CDH4: variants seen among roughly 807,000 people sequenced by gnomAD.
CDH4 encodes the protein cadherin-4.
A neutral mutation model predicts 86.0 loss-of-function variants in CDH4; 33 were observed. The observed-to-expected ratio is 0.38, with a 90% CI of 0.29 to 0.51. CDH4 has a LOEUF of 0.51. CDH4 is among the 20% of genes least tolerant of loss of function. The pLI is 0.86. For missense variants in CDH4, 1,114 were observed against 1,307.4 expected (o/e 0.85, Z 2.28); for synonymous variants, 555 against 549.4 (o/e 1.01, Z -0.14).
intron 8 of CDH4, among the ~76,000 whole-genome samples, chr20:61,904,833 G>C (rs2122905949): frequency 6.6e-6 from 1 of 152,380 alleles, no homozygotes; most frequent in East Asian, 1.9e-4. Context: ...GGTCTTGCTG[G>C]ACATTGTGTG....
chr20:61,741,079 C>T (rs2088326615), intron 2 of CDH4, among the ~76,000 whole-genome samples: 1 of 152,168 alleles, frequency 6.6e-6, no homozygotes, highest in South Asian at 2.1e-4. Flanking sequence ...CATGGTGGTG[C>T]ACGCCTGTAG....
At chr20:61,536,375 C>A (rs1311520106) in intron 2 of CDH4, among the ~76,000 whole-genome samples, 1 of 152,040 alleles carries the variant, frequency 6.6e-6, no homozygotes, top group Non-Finnish European at 1.5e-5. Flanking sequence ...AGAGGCCGCA[C>A]CCAAACAGAA....
At chr20:61,766,816 AC>A (rs1360810397) in intron 3 of CDH4, among the ~76,000 whole-genome samples, 1 of 151,152 alleles carries the variant, frequency 6.6e-6, no homozygotes, top group African/African-American at 2.4e-5. Context: ...AGTCCTATTC[AC>A]CCTTCAGTGC....
chr20:61,753,514 A>G (rs2088523437), intron 3 of CDH4, among the ~76,000 whole-genome samples: 1 of 152,176 alleles, frequency 6.6e-6, no homozygotes, highest in Admixed American at 6.5e-5. Flanking sequence ...TAGCAATTCA[A>G]TTAGGAAATG....
chr20:61,272,127 C>T (rs1422101021), intron 2 of CDH4, among the ~76,000 whole-genome samples: 1 of 152,226 alleles, frequency 6.6e-6, no homozygotes, highest in Non-Finnish European at 1.5e-5. Context: ...TCCTCCTCCT[C>T]CTCTTGGCAG....
chr20:61,622,579 A>C lies in CDH4; in HGVS notation c.170-120984A>C, dbSNP rs182865684. Among the ~76,000 whole-genome samples the C allele has an allele frequency of 2.7e-3, 409 of 152,388 alleles. 1 individual carries two copies. Among genetic ancestry groups the C allele is most frequent in the African/African-American group, 9.1e-3 (378 of 41,596 alleles). ...CCAGCACAGTAGCCTCCTGCTGCAC[A>C]TGGCCCAGGCCCTTGCTACGGAAGA... On this transcript the variant is annotated intron_variant, in intron 2 of 15. Coordinates refer to ENST00000614565, the MANE Select transcript of CDH4 (RefSeq NM_001794.5).
Position 61,788,165 on chromosome 20 carries a change from C to G in CDH4, c.576+14983C>G, listed in dbSNP as rs762291792. ...TGTTTTAATGTCCCGCCCAGTAAAA[C>G]AGCTGGAAACCCCAATCTTATCACA... is the stretch of plus-strand genomic sequence containing the variant. On this transcript the variant is annotated intron_variant, in intron 4 of 15. Transcript: ENST00000614565. 8.4e-4 allele frequency among the ~76,000 whole-genome samples: 128 copies of G among 152,300 alleles called. No individual in the cohort carries two copies. In the Middle Eastern group the frequency reaches 0.014, roughly 16 times the overall value.
chr20:61,565,213 C>CTTGGTGATGGTGGTAGTGG (rs1339239791), intron 2 of CDH4, among the ~76,000 whole-genome samples: 1 of 18,192 alleles, frequency 5.5e-5, no homozygotes, highest in Non-Finnish European at 1.0e-4. Flanking sequence ...TCGCGGTGCT[C>CTTGGTGATGGTGGTAGTGG]TCGGTGGTAG....
intron 2 of CDH4, among the ~76,000 whole-genome samples, chr20:61,622,738 C>A (rs1008607290): frequency 6.6e-6 from 1 of 152,226 alleles, no homozygotes; most frequent in African/African-American, 2.4e-5. Context: ...GGGGTACTTA[C>A]CTGCATCCGT....
At chr20:61,372,829 A>G (rs187572633) in intron 2 of CDH4, among the ~76,000 whole-genome samples, 5 of 152,320 alleles carry the variant, frequency 3.3e-5, no homozygotes, top group Admixed American at 2.6e-4. Flanking sequence ...AAGCTAGACT[A>G]TTTCTTTCCA....
At chr20:61,259,120 G>T (rs1206076631) in intron 2 of CDH4, among the ~76,000 whole-genome samples, 1 of 152,210 alleles carries the variant, frequency 6.6e-6, no homozygotes, top group Non-Finnish European at 1.5e-5. Context: ...CCAGTGCCCA[G>T]TGCTGTACCC....
chr20:61,719,233 C>A, intron 2 of CDH4: 2 of 405,862 alleles, frequency 4.9e-6, no homozygotes, highest in Admixed American at 2.9e-5. Context: ...ATTGCTAATA[C>A]AGAGAAGGAT....
At chr20:61,523,088 C>G (rs1301729063) in intron 2 of CDH4, among the ~76,000 whole-genome samples, 1 of 152,244 alleles carries the variant, frequency 6.6e-6, no homozygotes, top group African/African-American at 2.4e-5. Flanking sequence ...AGGCGGCATG[C>G]ATCCTGCTGT....
chr20:61,772,288 T>G (rs2088784065), intron 3 of CDH4, among the ~76,000 whole-genome samples: 1 of 151,832 alleles, frequency 6.6e-6, no homozygotes, highest in South Asian at 2.1e-4. Flanking sequence ...GCCCACTGAC[T>G]CCCATCAGCC....
chr20:61,824,255 CA>C (rs1981204067), intron 4 of CDH4, among the ~76,000 whole-genome samples: 1 of 151,966 alleles, frequency 6.6e-6, no homozygotes, highest in Admixed American at 6.6e-5. Context: ...TCCCCATTGC[CA>C]CCTTGTCAAC....
At chr20:61,605,303 T>G (rs909736501) in intron 2 of CDH4, among the ~76,000 whole-genome samples, 1 of 151,054 alleles carries the variant, frequency 6.6e-6, no homozygotes, top group African/African-American at 2.4e-5. Context: ...GTGGGGTGGG[T>G]CCTTGGTGGG....
intron 2 of CDH4, among the ~76,000 whole-genome samples, chr20:61,648,641 G>T (rs1241046201): frequency 6.6e-6 from 1 of 152,214 alleles, no homozygotes; most frequent in South Asian, 2.1e-4. Context: ...ACCACTGCAG[G>T]GGGTGAATGG....
chr20:61,910,457 CGTG>C lies in CDH4; in HGVS notation c.1227_1229del (p.Val410del). The C allele has an allele frequency of 1.9e-6, 3 of 1,613,878 alleles. No homozygotes were observed. The highest frequency in any genetic ancestry group is 2.5e-6 in the Non-Finnish European group (3 of 1,179,960). On this transcript the variant is annotated inframe_deletion, in exon 9 of 16. Coordinates refer to ENST00000614565, the MANE Select transcript of CDH4 (RefSeq NM_001794.5). ...AGGTCCCCGAAAACCGCGTGGAGAC[CGTG>C]GTCGCAAACCTCACGGTGATGGACC... is the stretch of plus-strand genomic sequence containing the variant.
chr20:61,730,329 C>T (rs1469911995), intron 2 of CDH4, among the ~76,000 whole-genome samples: 3 of 152,148 alleles, frequency 2.0e-5, no homozygotes, highest in East Asian at 1.9e-4. Context: ...CTGTTCATCC[C>T]TCCCTCCTCC....
Sources: allele counts gnomAD v4.1 joint callset (sites outside exome capture counted in the v4.1 genomes callset), GRCh38; gene constraint gnomAD v4.1.1; transcripts MANE v1.5; gene names NCBI Gene and HGNC (gene_info 2026-07-23, HGNC 2026-07-21).